XIRP2: variants seen among roughly 807,000 people sequenced by gnomAD.
XIRP2 encodes the protein xin actin-binding repeat-containing protein 2.
A neutral mutation model predicts 277.0 loss-of-function variants in XIRP2; 236 were observed. The observed-to-expected ratio is 0.85, with a 90% CI of 0.77 to 0.95. The LOEUF is 0.95. Among genes scored for constraint, XIRP2 ranks in the 40% least tolerant of loss-of-function variants. The pLI is 0.00. For synonymous variants in XIRP2, 1,490 were observed against 1,416.5 expected (o/e 1.05, Z -1.17); for missense variants, 4,640 against 4,157.5 (o/e 1.12, Z -3.19).
chr2:166,966,908 A>G (rs756043814), intron 2 of XIRP2, among the ~76,000 whole-genome samples: 1 of 152,026 alleles, frequency 6.6e-6, no homozygotes, highest in Non-Finnish European at 1.5e-5. Context: ...AACATCACTT[A>G]GAACCCTGTT....
chr2:167,044,472 G>A (rs1434973031), intron 2 of XIRP2, among the ~76,000 whole-genome samples: 1 of 152,058 alleles, frequency 6.6e-6, no homozygotes, highest in Non-Finnish European at 1.5e-5. Context: ...AGGAAGAGAG[G>A]CAGTCAAACT....
At chr2:166,938,146 G>A (rs1360698102) in intron 2 of XIRP2, among the ~76,000 whole-genome samples, 2 of 152,102 alleles carry the variant, frequency 1.3e-5, no homozygotes, top group East Asian at 1.9e-4. Context: ...GCTTTTGAAT[G>A]TGTTTGCTCT....
intron 3 of XIRP2, among the ~76,000 whole-genome samples, chr2:167,196,101 A>C (rs1341421018): frequency 1.3e-5 from 2 of 152,002 alleles, no homozygotes; most frequent in African/African-American, 4.8e-5. Context: ...ACTCAACATC[A>C]TTTATTCACC....
rs928304882 is a variant in XIRP2 at position 167,247,394 on chromosome 2, T to C, written c.6002T>C (p.Met2001Thr). 1.2e-6 allele frequency: 2 copies of C among 1,613,748 alleles called. No homozygotes were observed. ...GGAGCAGATACTCTCAGTCAAACTA[T>C]GGGGAAATCTTGCCATGGCAATTTA... The part of the protein sequence containing the change: ...QGGADTLSQT[M>T]GKSCHGNLVE... The change falls in exon 9 of 11, where the codon ATG becomes ACG. Residue 2001 changes from methionine (M) to threonine (T), a missense_variant. By Grantham distance (81) the Met-to-Thr change is moderately conservative. Coordinates refer to ENST00000409195, the MANE Select transcript of XIRP2 (RefSeq NM_152381.6).
intron 1 of XIRP2, among the ~76,000 whole-genome samples, chr2:166,898,387 G>T (rs933850741): frequency 6.6e-6 from 1 of 152,134 alleles, no homozygotes. Context: ...CTATGCCACT[G>T]CACAGTGTGA....
chr2:167,103,846 G>T (rs1386341649), intron 2 of XIRP2, among the ~76,000 whole-genome samples: 2 of 150,976 alleles, frequency 1.3e-5, no homozygotes, highest in Non-Finnish European at 3.0e-5. Flanking sequence ...AGGTGAAACT[G>T]CAGCCAATTT....
chr2:167,023,042 A>G (rs930949274), intron 2 of XIRP2, among the ~76,000 whole-genome samples: 2 of 152,204 alleles, frequency 1.3e-5, no homozygotes, highest in Non-Finnish European at 2.9e-5. Flanking sequence ...GGACTTCCAC[A>G]ATGGTTGAAC....
At chr2:167,173,766 C>T (rs1467424505) in intron 3 of XIRP2, among the ~76,000 whole-genome samples, 2 of 152,112 alleles carry the variant, frequency 1.3e-5, no homozygotes, top group African/African-American at 4.8e-5. Flanking sequence ...CTAGGGTTCT[C>T]TTTTCTCCAC....
At chr2:167,015,825 T>C (rs1396804168) in intron 2 of XIRP2, among the ~76,000 whole-genome samples, 1 of 151,790 alleles carries the variant, frequency 6.6e-6, no homozygotes, top group Non-Finnish European at 1.5e-5. Context: ...GTTGTCTTCT[T>C]CTGTCTCTCT....
intron 2 of XIRP2, among the ~76,000 whole-genome samples, chr2:167,028,282 A>T (rs1688230572): frequency 6.6e-6 from 1 of 152,042 alleles, no homozygotes; most frequent in East Asian, 1.9e-4. Flanking sequence ...AAACCTCAAG[A>T]TAGTATGTAT....
intron 5 of XIRP2, among the ~76,000 whole-genome samples, chr2:167,219,817 T>A (rs1694369421): frequency 6.6e-6 from 1 of 152,228 alleles, no homozygotes; most frequent in Admixed American, 6.5e-5. Context: ...CCTATCTCAT[T>A]AGGTTACTAT....
chr2:166,917,291 A>G (rs1209638025), intron 2 of XIRP2, among the ~76,000 whole-genome samples: 2 of 152,158 alleles, frequency 1.3e-5, no homozygotes, highest in African/African-American at 4.8e-5. Flanking sequence ...AGTTTGTTCA[A>G]TTATAGTTTT....
intron 2 of XIRP2, among the ~76,000 whole-genome samples, chr2:167,073,961 A>G (rs1339964624): frequency 1.3e-5 from 2 of 152,322 alleles, no homozygotes; most frequent in Admixed American, 6.5e-5. Flanking sequence ...TCAAGCTTGC[A>G]TGTAGCCATT....
At chr2:166,908,992 C>T (rs989322580) in intron 2 of XIRP2, among the ~76,000 whole-genome samples, 3 of 152,114 alleles carry the variant, frequency 2.0e-5, no homozygotes, top group African/African-American at 7.2e-5. Context: ...GTTTTGGTAC[C>T]AGTACCATGC....
intron 10 of XIRP2, among the ~76,000 whole-genome samples, chr2:167,255,506 T>C (rs1019693213): frequency 1.3e-4 from 20 of 151,798 alleles, no homozygotes; most frequent in Non-Finnish European, 2.2e-4. Context: ...GCCCCATAAA[T>C]ACCTCTTAAG....
At chr2:167,215,788 T>C (rs1273898109) in intron 4 of XIRP2, among the ~76,000 whole-genome samples, 1 of 152,204 alleles carries the variant, frequency 6.6e-6, no homozygotes, top group African/African-American at 2.4e-5. Flanking sequence ...TTATCCCATC[T>C]GGGCTTGAGT....
In XIRP2 at chr2:167,242,989, A is replaced by C; in HGVS notation, c.1597A>C (p.Ser533Arg). ...TGTTTCTAGTCAAATGAACTCAGGG[A>C]GTTCAGTCTCAGCAGATGTGCAACA... ...EIVSSQMNSG[S>R]SVSADVQQAR... Residue 533 changes from serine (S) to arginine (R), a missense_variant, in exon 9 of 11, where the codon AGT (serine) becomes CGT (arginine). Coordinates refer to ENST00000409195, the MANE Select transcript of XIRP2 (RefSeq NM_152381.6). 2 of 1,614,038 alleles carry C rather than the reference A, an allele frequency of 1.2e-6. No homozygotes were observed. The highest frequency in any genetic ancestry group is 1.7e-6 in the Non-Finnish European group (2 of 1,179,966).
At chr2:166,916,833 A>C (rs1684898607) in intron 2 of XIRP2, among the ~76,000 whole-genome samples, 1 of 152,206 alleles carries the variant, frequency 6.6e-6, no homozygotes, top group South Asian at 2.1e-4. Flanking sequence ...CAAATGACTT[A>C]TTTTAACTCA....
At chr2:166,890,207 A>T (rs1201495339) in intron 1 of XIRP2, among the ~76,000 whole-genome samples, 11 of 151,994 alleles carry the variant, frequency 7.2e-5, no homozygotes, top group Non-Finnish European at 1.5e-4. Context: ...GTTAGCCAGG[A>T]TGGTCTCAAT....
Sources: gnomAD v4.1 joint callset for allele counts (sites outside exome capture counted in the v4.1 genomes callset) on GRCh38, gnomAD v4.1.1 for gene constraint, MANE v1.5 for transcripts, NCBI Gene and HGNC (gene_info 2026-07-23, HGNC 2026-07-21) for gene names.